Variants in COL15A1 observed in about 807,000 individuals in gnomAD.
COL15A1 encodes collagen alpha-1(XV) chain.
In COL15A1, 111 loss-of-function variants were observed where a neutral mutation model predicts 165.9. The ratio of observed to expected loss-of-function variants is 0.67; its 90% CI spans 0.57 to 0.78. The LOEUF is 0.78. Among genes scored for constraint, COL15A1 ranks in the 30% least tolerant of loss-of-function variants. The pLI is 0.00. For synonymous variants in COL15A1, 659 were observed against 674.8 expected (o/e 0.98, Z 0.36); for missense variants, 1,745 against 1,789.7 (o/e 0.98, Z 0.45).
rs141498531 is a variant in COL15A1, at chr9:98,993,094, C to T, written c.804+3836C>T. The stretch of plus-strand genomic sequence containing the variant: ...GAATCCCAGCTCTGCCACTTACTAG[C>T]TCTTGACCTTGAGCAAGTGACTTAA... On this transcript the variant is annotated intron_variant, in intron 5 of 41. Coordinates refer to ENST00000375001, the MANE Select transcript of COL15A1 (RefSeq NM_001855.5). Among the ~76,000 whole-genome samples the T allele has an allele frequency of 3.9e-5, 6 of 152,314 alleles. No individual in the cohort carries two copies. In the East Asian group the frequency reaches 1.2e-3, roughly 29 times the overall value.
chr9:99,015,447 G>A lies in COL15A1; in HGVS notation c.1384G>A (p.Ala462Thr). 6.2e-7 allele frequency: 1 copy of A among 1,608,474 alleles called. No homozygotes were observed. The highest frequency in any genetic ancestry group is 8.5e-7 in the Non-Finnish European group (1 of 1,175,700). ...GPSSEDSLTT[A>T]AAATEVSLST... ...AAGCAGTGAAGACAGTTTAACAACA[G>A]CTGCAGCTGCAACCGAAGTGTCCCT... Residue 462 changes from alanine to threonine, a missense_variant, in exon 10 of 42, where the codon GCT becomes ACT. Physicochemically the swap from Ala to Thr is moderately conservative, Grantham distance 58 (BLOSUM62 0). Coordinates refer to ENST00000375001, the MANE Select transcript of COL15A1 (RefSeq NM_001855.5).
At chr9:99,056,928 A>G (rs1389853879) in intron 35 of COL15A1, among the ~76,000 whole-genome samples, 1 of 152,210 alleles carries the variant, frequency 6.6e-6, no homozygotes, top group Non-Finnish European at 1.5e-5. Flanking sequence ...TAGGATATAC[A>G]TTTTGTTTAT....
rs780621669 is a variant in COL15A1 at position 99,025,929 on chromosome 9, A to G, written c.2006A>G (p.Asp669Gly). ...PPGPEGQPGVDGATGLPGMKG... is the reference protein window; with the variant it reads ...PPGPEGQPGVGGATGLPGMKG... ...GGCCCTGAGGGACAGCCTGGAGTTGATGGAGCCACCGGCCTTCCCGGGATG... is the reference window on the plus strand; with the variant it reads ...GGCCCTGAGGGACAGCCTGGAGTTGGTGGAGCCACCGGCCTTCCCGGGATG... The change falls in exon 16 of 42, where the codon GAT becomes GGT. Residue 669 changes from aspartate (D) to glycine (G), a missense_variant. By Grantham distance (94) the Asp-to-Gly change is moderately conservative (BLOSUM62 -1). Transcript: ENST00000375001. 6.2e-7 allele frequency: 1 copy of G among 1,613,094 alleles called. No homozygotes were observed. Among genetic ancestry groups the G allele is most frequent in the Non-Finnish European group, 8.5e-7 (1 of 1,179,670 alleles).
rs374363919 is a variant in COL15A1 at position 99,015,445 on chromosome 9, C to T, written c.1382C>T (p.Thr461Ile). Residue 461 changes from threonine to isoleucine, a missense_variant, in exon 10 of 42, where the codon ACA becomes ATA. Coordinates refer to ENST00000375001, the MANE Select transcript of COL15A1 (RefSeq NM_001855.5). Reference sequence around the variant, plus strand: ...CCAAGCAGTGAAGACAGTTTAACAACAGCTGCAGCTGCAACCGAAGTGTCC... The same window carrying T: ...CCAAGCAGTGAAGACAGTTTAACAATAGCTGCAGCTGCAACCGAAGTGTCC... ...VGPSSEDSLT[T>I]AAAATEVSLS... is the part of the protein sequence containing the mutation. The T allele has an allele frequency of 2.7e-5, 43 of 1,607,784 alleles. 1 individual carries two copies. The highest frequency in any genetic ancestry group is 2.4e-4 in the African/African-American group (18 of 74,794).
At position 99,024,974 on chromosome 9, in the gene COL15A1, G is replaced by C; in HGVS notation, c.1955G>C (p.Gly652Ala). ...MGPPGSPGED[G>A]PAGEPGPPGP... Reference sequence around the variant, plus strand: ...CCCCCTGGATCTCCTGGAGAGGATGGACCTGCTGGTGAACCTGGGCCCCCG... The same window carrying C: ...CCCCCTGGATCTCCTGGAGAGGATGCACCTGCTGGTGAACCTGGGCCCCCG... The change falls in exon 15 of 42, where the codon GGA becomes GCA. Residue 652 changes from glycine (G) to alanine (A), a missense_variant. Physicochemically the swap from Gly to Ala is moderately conservative, Grantham distance 60 (BLOSUM62 0). Transcript: ENST00000375001. 1.2e-6 allele frequency: 2 copies of C among 1,613,742 alleles called. No individual in the cohort carries two copies. The highest frequency in any genetic ancestry group is 1.7e-6 in the Non-Finnish European group (2 of 1,179,790).
intron 12 of COL15A1, among the ~76,000 whole-genome samples, chr9:99,021,173 C>A (rs1477846449): frequency 6.6e-6 from 1 of 152,162 alleles, no homozygotes; most frequent in East Asian, 1.9e-4. Flanking sequence ...CCACCATGAC[C>A]CTGGTCCTCT....
At chr9:98,946,863 A>G (rs1458054945) in intron 2 of COL15A1, among the ~76,000 whole-genome samples, 1 of 152,266 alleles carries the variant, frequency 6.6e-6, no homozygotes, top group Non-Finnish European at 1.5e-5. Context: ...ATTTGAGCCC[A>G]GAGGGTCTGA....
Position 98,996,999 on chromosome 9 carries a change from G to T in COL15A1, c.870G>T (p.Met290Ile), listed in dbSNP as rs376723761. The T allele has an allele frequency of 3.3e-5, 53 of 1,614,020 alleles. No homozygotes were observed. The East Asian group carries it at 4.0e-4, about 12-fold the overall frequency. Residue 290 changes from methionine to isoleucine, a missense_variant, in exon 6 of 42, where the codon ATG becomes ATT. Transcript: ENST00000375001. The stretch of plus-strand genomic sequence containing the variant: ...CTCCATCCTCCCCCTTTGAAGACAT[G>T]GAACTTTCTGGTGAACCTGTACCCG... Reference protein sequence around the residue: ...PPTPSSPFEDMELSGEPVPEG... With the variant: ...PPTPSSPFEDIELSGEPVPEG...
intron 24 of COL15A1, among the ~76,000 whole-genome samples, chr9:99,042,404 G>GAGA (rs1167114462): frequency 7.2e-5 from 11 of 152,132 alleles, no homozygotes; most frequent in African/African-American, 2.7e-4. Flanking sequence ...TCTATGAGAC[G>GAGA]AGAAGGTACG....
chr9:99,070,735 T>C lies in COL15A1; in HGVS notation c.*849T>C. On this transcript the variant is annotated 3_prime_UTR_variant, in exon 42 of 42. Transcript: ENST00000375001. ...TATATCTACATGTTGTATAATTGGA[T>C]TTTTTTTCCATGTAAGTGAACATAA... The C allele has an allele frequency of 2.8e-6, 1 of 361,528 alleles. No individual in the cohort carries two copies. The highest frequency in any genetic ancestry group is 1.9e-5 in the South Asian group (1 of 51,306). The allele number at this position is 361,528 out of a possible 1,614,324, so 22.4% of individuals were successfully genotyped here.
At chr9:99,040,773 C>A in intron 23 of COL15A1, 2 of 752,150 alleles carry the variant, frequency 2.7e-6, no homozygotes, top group Non-Finnish European at 4.2e-6. Flanking sequence ...TCTGCGTCAG[C>A]CTCCCAAAGT....
intron 24 of COL15A1, among the ~76,000 whole-genome samples, chr9:99,043,449 C>T (rs1398113005): frequency 6.6e-6 from 1 of 152,116 alleles, no homozygotes; most frequent in African/African-American, 2.4e-5. Context: ...ACGGACATGA[C>T]ATCCCCGCCC....
At chr9:99,025,236 G>C (rs1373632051) in intron 15 of COL15A1, among the ~76,000 whole-genome samples, 1 of 152,232 alleles carries the variant, frequency 6.6e-6, no homozygotes, top group African/African-American at 2.4e-5. Flanking sequence ...AGTCAATACA[G>C]ATGGCCCCCT....
intron 31 of COL15A1, among the ~76,000 whole-genome samples, chr9:99,053,673 C>T (rs1825664406): frequency 6.6e-6 from 1 of 152,238 alleles, no homozygotes; most frequent in Admixed American, 6.5e-5. Flanking sequence ...ATTGGTCTCA[C>T]ACAGCATTCC....
Position 98,966,280 on chromosome 9 carries a change from A to G in COL15A1, c.101-19285A>G, listed in dbSNP as rs576657740. On this transcript the variant is annotated intron_variant, in intron 2 of 41. Coordinates refer to ENST00000375001, the MANE Select transcript of COL15A1 (RefSeq NM_001855.5). ...ACTTAGAGAAAGACTTAGAAAGCTC[A>G]GAATTAAAATACTCTTTCAAGCTCC... Among the ~76,000 whole-genome samples the G allele has an allele frequency of 2.0e-5, 3 of 152,342 alleles. No homozygotes were observed. The South Asian group carries it at 6.2e-4, about 32-fold the overall frequency.
chr9:98,964,831 GAGGTTCTTCCC>G (rs968797596), intron 2 of COL15A1, among the ~76,000 whole-genome samples: 1 of 152,178 alleles, frequency 6.6e-6, no homozygotes, highest in Non-Finnish European at 1.5e-5. Flanking sequence ...GGTATTTTCT[GAGGTTCTTCCC>G]AGCTCTGAAG....
intron 31 of COL15A1, 119 bp downstream of exon 31, chr9:99,052,552 A>T (rs878865747): frequency 3.7e-5 from 31 of 835,012 alleles, no homozygotes; most frequent in African/African-American, 3.5e-4. Flanking sequence ...TGGATGCTGT[A>T]GGGGTGGGGA....
intron 16 of COL15A1, among the ~76,000 whole-genome samples, chr9:99,031,612 A>T (rs1839214171): frequency 6.6e-6 from 1 of 152,078 alleles, no homozygotes; most frequent in South Asian, 2.1e-4. Context: ...TTAGGCTCAT[A>T]CTCAACTAGA....
chr9:99,061,986 A>C lies in COL15A1; in HGVS notation c.3418A>C (p.Asn1140His), dbSNP rs1342430720. The C allele has an allele frequency of 6.2e-7, 1 of 1,613,462 alleles. No individual in the cohort carries two copies. The highest frequency in any genetic ancestry group is 1.3e-5 in the African/African-American group (1 of 74,898). Residue 1140 changes from asparagine (N) to histidine (H), a missense_variant, in exon 37 of 42, where the codon AAC (asparagine) becomes CAC (histidine). By Grantham distance (68) the Asn-to-His change is moderately conservative. Transcript: ENST00000375001. Reference protein sequence around the residue: ...GSRNLVTAFSNMDDMLQKAHL... With the variant: ...GSRNLVTAFSHMDDMLQKAHL... The stretch of plus-strand genomic sequence containing the variant: ...GATCTGACAGGTCACAGCATTCAGC[A>C]ACATGGATGACATGCTGCAGAAAGC...
Sources: allele counts gnomAD v4.1 joint callset (sites outside exome capture counted in the v4.1 genomes callset), GRCh38; gene constraint gnomAD v4.1.1; transcripts MANE v1.5; gene names NCBI Gene and HGNC (gene_info 2026-07-23, HGNC 2026-07-21).